Variants in NKD1 observed in about 807,000 individuals in gnomAD.
NKD1 encodes protein naked cuticle homolog 1.
NKD1 carries 21 observed loss-of-function variants against 56.0 expected under a neutral mutation model. The observed-to-expected ratio is 0.38, with a 90% CI of 0.27 to 0.54. NKD1 has a LOEUF of 0.54. Ranked by LOEUF, NKD1 falls within the 20% of genes least tolerant of loss-of-function variation. NKD1 has a pLI of 0.82. For missense variants in NKD1, 578 were observed against 642.7 expected, an observed-to-expected ratio of 0.90 and a Z score of 1.09; for synonymous variants, 263 against 265.7, an observed-to-expected ratio of 0.99 and a Z score of 0.10.
intron 3 of NKD1, among the ~76,000 whole-genome samples, chr16:50,586,841 A>T (rs749525338): frequency 2.0e-5 from 3 of 152,198 alleles, no homozygotes; most frequent in Non-Finnish European, 2.9e-5. Context: ...AGCTCCTGGA[A>T]TGATAGAGAA....
At chr16:50,624,565 A>G (rs745941816) in intron 5 of NKD1, among the ~76,000 whole-genome samples, 2 of 152,210 alleles carry the variant, frequency 1.3e-5, no homozygotes, top group African/African-American at 4.8e-5. Context: ...TCCAATTCCC[A>G]TAAGCAGACC....
chr16:50,569,440 C>T (rs1013826008), intron 3 of NKD1, among the ~76,000 whole-genome samples: 8 of 152,152 alleles, frequency 5.3e-5, no homozygotes, highest in African/African-American at 1.9e-4. Context: ...TTCACTCACG[C>T]CCTCCCTGAA....
Position 50,634,797 on chromosome 16 carries a change from G to A in NKD1, c.*1016G>A, listed in dbSNP as rs1210983529. 1 of 152,322 alleles carries A rather than the reference G, an allele frequency of 6.6e-6. No homozygotes were observed. The highest frequency in any genetic ancestry group is 2.4e-5 in the African/African-American group (1 of 41,414). 9.4% of individuals were successfully genotyped at this position (152,322 alleles called of 1,614,324 possible). On this transcript the variant is annotated 3_prime_UTR_variant, in exon 10 of 10. Transcript: ENST00000268459. ...CTGGAACCCAGATGTGACCCTGCTT[G>A]TCTCCTTTTGGGGCTGGACGGCTCT...
chr16:50,565,552 T>A (rs1960740942), intron 3 of NKD1, among the ~76,000 whole-genome samples: 1 of 151,342 alleles, frequency 6.6e-6, no homozygotes. Context: ...TAGCCAGGTT[T>A]GTGATGTGTG....
chr16:50,567,015 T>C (rs35185396), intron 3 of NKD1, among the ~76,000 whole-genome samples: 10,215 of 131,786 alleles, frequency 0.078, 541 homozygotes, highest in African/African-American at 0.15. Flanking sequence ...GCCCCCCCCC[T>C]TTTTTTTTAA....
At chr16:50,622,626 C>T (rs1435674656) in intron 5 of NKD1, among the ~76,000 whole-genome samples, 4 of 152,216 alleles carry the variant, frequency 2.6e-5, no homozygotes, top group African/African-American at 7.2e-5. Context: ...AGTGGCCTCA[C>T]GTGCCTCGCC....
intron 3 of NKD1, chr16:50,575,318 G>C: frequency 1.0e-6 from 1 of 985,360 alleles, no homozygotes; most frequent in Non-Finnish European, 1.2e-6. Flanking sequence ...ATAGGCGGGT[G>C]GTTCACAAGT....
At chr16:50,583,085 G>T (rs1961153342) in intron 3 of NKD1, among the ~76,000 whole-genome samples, 1 of 152,240 alleles carries the variant, frequency 6.6e-6, no homozygotes, top group African/African-American at 2.4e-5. Flanking sequence ...GGGGCCGCGT[G>T]TAGGAGGTGA....
chr16:50,576,030 G>T (rs1960987019), intron 3 of NKD1, among the ~76,000 whole-genome samples: 1 of 152,236 alleles, frequency 6.6e-6, no homozygotes, highest in South Asian at 2.1e-4. Flanking sequence ...TGCCGTAGGG[G>T]AGCATCTGGG....
rs556722729 is a variant in NKD1, at chr16:50,577,938, C to T, written c.192+28383C>T. ...TGCTTTTGCCTTGAGCTTCTTACCC[C>T]AGTGAGGACTTATTTTCTTGACCCA... On this transcript the variant is annotated intron_variant, in intron 3 of 9. Transcript: ENST00000268459. 9.8e-5 allele frequency among the ~76,000 whole-genome samples: 15 copies of T among 152,290 alleles called. No individual in the cohort carries two copies. The South Asian group carries it at 2.9e-3, about 29-fold the overall frequency.
rs1030147398 is a variant in NKD1 at position 50,633,993 on chromosome 16, C to T, written c.*212C>T. ...TATGTTGTGGGGACTGCATAACTAG[C>T]CCAGGAAATGACTCTGGTTTTGAGT... is the stretch of plus-strand genomic sequence containing the variant. On this transcript the variant is annotated 3_prime_UTR_variant, in exon 10 of 10. Coordinates refer to ENST00000268459, the MANE Select transcript of NKD1 (RefSeq NM_033119.5). The surrounding 1 kb of genome is among the most constrained non-coding windows in gnomAD (Gnocchi z 4.9). 1.4e-5 allele frequency: 6 copies of T among 443,938 alleles called. No individual in the cohort carries two copies. In the East Asian group the frequency reaches 2.2e-4, roughly 16 times the overall value. 27.5% of individuals were successfully genotyped at this position (443,938 alleles called of 1,614,324 possible). A position where few individuals can be genotyped will look rare whatever the true frequency, so the allele number is the denominator to read the frequency against.
chr16:50,570,266 C>G (rs1308232171), intron 3 of NKD1, among the ~76,000 whole-genome samples: 1 of 152,010 alleles, frequency 6.6e-6, no homozygotes, highest in Non-Finnish European at 1.5e-5. Context: ...CAGCACTGGC[C>G]TTGACTCCAT....
intron 3 of NKD1, among the ~76,000 whole-genome samples, chr16:50,578,077 A>G (rs1961028398): frequency 6.6e-6 from 1 of 152,204 alleles, no homozygotes; most frequent in South Asian, 2.1e-4. Flanking sequence ...GACCAGTCCA[A>G]TACAGGTACC....
chr16:50,557,782 A>G (rs1394072993), intron 3 of NKD1: 15 of 152,254 alleles, frequency 9.9e-5, no homozygotes, highest in Admixed American at 9.8e-4. Flanking sequence ...ACTCAGTGCA[A>G]GTTAACTGTT....
chr16:50,616,090 A>G, intron 4 of NKD1: 1 of 455,928 alleles, frequency 2.2e-6, no homozygotes, highest in Non-Finnish European at 4.4e-6. Flanking sequence ...TTGGCAAGCA[A>G]CCCTGAGACT....
rs575213227 is a variant in NKD1 at position 50,560,719 on chromosome 16, G to A, written c.192+11164G>A. The stretch of plus-strand genomic sequence containing the variant: ...CCAAAATGAAATAGAGTAAAAATAT[G>A]AGAAAACATTATATATAGTAAGAGT... On this transcript the variant is annotated intron_variant, in intron 3 of 9. Coordinates refer to ENST00000268459, the MANE Select transcript of NKD1 (RefSeq NM_033119.5). Among the ~76,000 whole-genome samples, 23 of 150,032 alleles carry A rather than the reference G, an allele frequency of 1.5e-4. No individual in the cohort carries two copies. In the East Asian group the frequency reaches 4.1e-3, roughly 27 times the overall value.
chr16:50,633,379 C>A lies in NKD1; in HGVS notation c.1011C>A (p.Gly337=). ...KVSELQQRLR[G]TQDGSKHFVR... ...CAGAGCTCCAGCAACGGCTCCGGGG[C>A]ACCCAGGACGGGAGCAAGCACTTTG... The change falls in exon 10 of 10, where the codon GGC becomes GGA. Residue 337 remains glycine, a synonymous_variant. Transcript: ENST00000268459. The surrounding 1 kb of genome is among the most constrained non-coding windows in gnomAD (Gnocchi z 4.9). The A allele has an allele frequency of 6.2e-7, 1 of 1,614,074 alleles. No individual in the cohort carries two copies. The highest frequency in any genetic ancestry group is 8.5e-7 in the Non-Finnish European group (1 of 1,179,952).
intron 3 of NKD1, among the ~76,000 whole-genome samples, chr16:50,549,906 C>T (rs1960340215): frequency 6.6e-6 from 1 of 151,872 alleles, no homozygotes; most frequent in Non-Finnish European, 1.5e-5. Flanking sequence ...GGAGTAGGGG[C>T]TAGAGAGAAG....
In NKD1 at chr16:50,630,314, C is replaced by G. The variant is rs115579478; in HGVS notation, c.591C>G (p.Ser197Arg). Residue 197 changes from serine (S) to arginine (R), a missense_variant, in exon 7 of 10, where the codon AGC becomes AGG. Physicochemically the swap from Ser to Arg is moderately radical, Grantham distance 110. Coordinates refer to ENST00000268459, the MANE Select transcript of NKD1 (RefSeq NM_033119.5). ...CCGATGGCAGCCAGAGCAAGAGGAG[C>G]GTCCTTGTCAATCAGGCTGGTGAGG... Reference protein sequence around the residue: ...VAPDGSQSKRSVLVNQADLQS... With the variant: ...VAPDGSQSKRRVLVNQADLQS... 2 of 1,614,130 alleles carry G rather than the reference C, an allele frequency of 1.2e-6. No homozygotes were observed. Among genetic ancestry groups the G allele is most frequent in the South Asian group, 2.2e-5 (2 of 91,084 alleles).
Sources: gnomAD v4.1 joint callset for allele counts (sites outside exome capture counted in the v4.1 genomes callset) on GRCh38, gnomAD v4.1.1 for gene constraint, Gnocchi (gnomAD v3.1) non-coding constraint, MANE v1.5 for transcripts, NCBI Gene and HGNC (gene_info 2026-07-23, HGNC 2026-07-21) for gene names.